The following PPP1R2 variants were observed in gnomAD, a reference collection of about 807,000 sequenced individuals.
The protein encoded by PPP1R2 is protein phosphatase 1 regulatory inhibitor subunit 2.
In PPP1R2, 16 loss-of-function variants were observed where a neutral mutation model predicts 29.9. The ratio of observed to expected loss-of-function variants is 0.53; its 90% confidence interval spans 0.36 to 0.81. PPP1R2 has a LOEUF of 0.81. Among genes scored for constraint, PPP1R2 ranks in the 30% least tolerant of loss-of-function variants. The pLI, the probability that PPP1R2 is intolerant of heterozygous loss-of-function variation, is 0.00. For synonymous variants in PPP1R2, 76 were observed against 91.5 expected (o/e 0.83, Z 0.96); for missense variants, 197 against 252.7 (o/e 0.78, Z 1.49).
At chr3:195,528,234 G>C (rs1387282434) in intron 2 of PPP1R2, among the ~76,000 whole-genome samples, 2 of 152,054 alleles carry the variant, frequency 1.3e-5, no homozygotes, top group Non-Finnish European at 1.5e-5. Context: ...TACAAGGTCT[G>C]GTTTTCCATT....
chr3:195,542,808 A>G (rs1432773850), intron 1 of PPP1R2, 96 bp downstream of exon 1: 3 of 1,397,020 alleles, frequency 2.1e-6, no homozygotes, highest in Non-Finnish European at 2.8e-6. Context: ...GCGGCACCCG[A>G]GCCGCATCCA....
At chr3:195,535,702 A>G (rs988386538) in intron 1 of PPP1R2, among the ~76,000 whole-genome samples, 1 of 152,230 alleles carries the variant, frequency 6.6e-6, no homozygotes, top group Non-Finnish European at 1.5e-5. Flanking sequence ...AAACAAATTG[A>G]CACTAGACAA....
chr3:195,528,702 A>ATTTTTTTTTTTTTT (rs1186534650), intron 2 of PPP1R2: 3 of 59,968 alleles, frequency 5.0e-5, no homozygotes, highest in East Asian at 8.0e-4. Context: ...GGGCATAACT[A>ATTTTTTTTTTTTTT]TTTTTTTTTT....
intron 1 of PPP1R2, among the ~76,000 whole-genome samples, chr3:195,535,346 G>A (rs1392371587): frequency 1.3e-5 from 2 of 152,194 alleles, no homozygotes; most frequent in African/African-American, 4.8e-5. Flanking sequence ...CAACCCTCAT[G>A]GAGAACATCA....
At position 195,516,894 on chromosome 3, in the gene PPP1R2, G is replaced by C; in HGVS notation, c.*2C>G. 1 of 1,610,902 alleles carries C rather than the reference G, an allele frequency of 6.2e-7. No homozygotes were observed. The highest frequency in any genetic ancestry group is 8.5e-7 in the Non-Finnish European group (1 of 1,177,410). Reference sequence around the variant, plus strand: ...ACAATTGCAGTGTTGAACAAATCTCGTCTATGAACTTCGTAATTTGTTTTG... The same window carrying C: ...ACAATTGCAGTGTTGAACAAATCTCCTCTATGAACTTCGTAATTTGTTTTG... On this transcript the variant is annotated 3_prime_UTR_variant, in exon 6 of 6. Coordinates refer to ENST00000618156, the MANE Select transcript of PPP1R2 (RefSeq NM_006241.8).
chr3:195,522,597 G>T (rs970967233), intron 4 of PPP1R2, among the ~76,000 whole-genome samples: 6 of 152,156 alleles, frequency 3.9e-5, no homozygotes, highest in Non-Finnish European at 8.8e-5. Flanking sequence ...ACTTTTCAAG[G>T]ATCTTTTGGG....
chr3:195,516,673 A>C lies in PPP1R2; in HGVS notation c.*223T>G. 2.0e-6 allele frequency: 1 copy of C among 495,426 alleles called. No homozygotes were observed. The highest frequency in any genetic ancestry group is 3.6e-6 in the Non-Finnish European group (1 of 276,530). The allele number at this position is 495,426 out of a possible 1,614,324, so 30.7% of individuals were successfully genotyped here. ...AGTAATGCAGTTTTGGACTGATGATATTACACTGTATTTGTGGTAAAGTAC... is the reference window on the plus strand; with the variant it reads ...AGTAATGCAGTTTTGGACTGATGATCTTACACTGTATTTGTGGTAAAGTAC... On this transcript the variant is annotated 3_prime_UTR_variant, in exon 6 of 6. Transcript: ENST00000618156.
rs528315994 is a variant in PPP1R2, at chr3:195,517,964, A to G, written c.572-1022T>C. 6.3e-4 allele frequency among the ~76,000 whole-genome samples: 96 copies of G among 152,338 alleles called. 1 individual carries two copies. Among genetic ancestry groups the G allele is most frequent in the African/African-American group, 2.1e-3 (89 of 41,580 alleles). On this transcript the variant is annotated intron_variant, in intron 5 of 5. Transcript: ENST00000618156. ...CATAGAATTATTCATATTTAATACT[A>G]TGCTTACCAAAATGGTAATACAATA...
intron 1 of PPP1R2, among the ~76,000 whole-genome samples, chr3:195,532,993 A>T (rs1484706573): frequency 6.6e-6 from 1 of 152,202 alleles, no homozygotes; most frequent in African/African-American, 2.4e-5. Flanking sequence ...ATACTATTCT[A>T]TGTCACAGTT....
intron 2 of PPP1R2, chr3:195,528,700 C>CTTTTTTTTTTTTTTTTTTTTTTTT (rs767313014): frequency 2.6e-5 from 2 of 76,646 alleles, no homozygotes; most frequent in Non-Finnish European, 2.3e-5. Flanking sequence ...TAGGGCATAA[C>CTTTTTTTTTTTTTTTTTTTTTTTT]TATTTTTTTT....
intron 1 of PPP1R2, among the ~76,000 whole-genome samples, chr3:195,534,644 C>T (rs573766536): frequency 6.6e-6 from 1 of 152,188 alleles, no homozygotes; most frequent in South Asian, 2.1e-4. Context: ...CTCCTGGTTC[C>T]GTCCATGTTC....
At chr3:195,534,282 C>T (rs1019950783) in intron 1 of PPP1R2, among the ~76,000 whole-genome samples, 1 of 152,076 alleles carries the variant, frequency 6.6e-6, no homozygotes, top group Non-Finnish European at 1.5e-5. Flanking sequence ...CATCTGCAAT[C>T]GAGCCACTGT....
chr3:195,518,630 G>C (rs1176832296), intron 5 of PPP1R2, among the ~76,000 whole-genome samples: 1 of 148,134 alleles, frequency 6.8e-6, no homozygotes, highest in Admixed American at 6.8e-5. Flanking sequence ...CAGCCTGGGT[G>C]ACAGAGCGAG....
Position 195,543,140 on chromosome 3 carries a change from C to T in PPP1R2, c.-115G>A, listed in dbSNP as rs573008598. 1.7e-4 allele frequency: 227 copies of T among 1,333,016 alleles called. 2 individuals are homozygous for T. The highest frequency in any genetic ancestry group is 2.9e-4 in the East Asian group (10 of 34,760). The allele number at this position is 1,333,016 out of a possible 1,614,324, so 82.6% of individuals were successfully genotyped here. A position where few individuals can be genotyped will look rare whatever the true frequency, so the allele number is the denominator to read the frequency against. On this transcript the variant is annotated 5_prime_UTR_variant, in exon 1 of 6. Coordinates refer to ENST00000618156, the MANE Select transcript of PPP1R2 (RefSeq NM_006241.8). ...CCGCAGATCCCGCTCAGGGCTAAAGCGGCCGCAACTGCTGCCTCGGAAACG... is the reference window on the plus strand; with the variant it reads ...CCGCAGATCCCGCTCAGGGCTAAAGTGGCCGCAACTGCTGCCTCGGAAACG...
At chr3:195,527,905 G>A (rs1719032357) in intron 2 of PPP1R2, 2 of 359,938 alleles carry the variant, frequency 5.6e-6, no homozygotes, top group Admixed American at 4.3e-5. Flanking sequence ...GTATATACCT[G>A]CAATTTAGGA....
At chr3:195,522,313 T>C (rs1280368245) in intron 4 of PPP1R2, among the ~76,000 whole-genome samples, 2 of 152,194 alleles carry the variant, frequency 1.3e-5, no homozygotes, top group Admixed American at 1.3e-4. Context: ...TGAGTTACAG[T>C]TTTTCTCCCT....
chr3:195,523,178 C>A (rs1157114061), intron 4 of PPP1R2: 1 of 158,752 alleles, frequency 6.3e-6, no homozygotes, highest in Non-Finnish European at 1.4e-5. Context: ...CCTCTTCCAT[C>A]CCTGTGAAGG....
chr3:195,523,669 A>C, intron 4 of PPP1R2, 23 bp downstream of exon 4: 1 of 1,577,202 alleles, frequency 6.3e-7, no homozygotes, highest in South Asian at 1.1e-5. Context: ...ACCATGATGA[A>C]AGCAGTAAAG....
At chr3:195,538,897 C>T (rs185078369) in intron 1 of PPP1R2, among the ~76,000 whole-genome samples, 42 of 152,204 alleles carry the variant, frequency 2.8e-4, no homozygotes, top group African/African-American at 9.9e-4. Context: ...AAAATCACAA[C>T]TAATAAAGTT....
Sources: allele counts gnomAD v4.1 joint callset (sites outside exome capture counted in the v4.1 genomes callset), GRCh38; gene constraint gnomAD v4.1.1; transcripts MANE v1.5; gene names NCBI Gene and HGNC (gene_info 2026-07-23, HGNC 2026-07-21).